Variants in PYGO1 observed in about 807,000 individuals in gnomAD.
The protein encoded by PYGO1 is pygopus family PHD finger 1, also known as pygopus homolog 1.
A neutral mutation model predicts 29.5 loss-of-function variants in PYGO1; 6 were observed. The observed-to-expected ratio is 0.20, with a 90% CI of 0.11 to 0.40. The LOEUF is 0.40. Ranked by LOEUF, PYGO1 falls within the 10% of genes least tolerant of loss-of-function variation. The probability of loss-of-function intolerance (pLI) is 1.00; values close to 1 mark genes in which losing one functional copy is unlikely to be tolerated. For missense variants in PYGO1, 515 were observed against 514.9 expected (o/e 1.00, Z 0.00); for synonymous variants, 186 against 180.5 (o/e 1.03, Z -0.24).
At position 55,546,718 on chromosome 15, in the gene PYGO1, G is replaced by A; in HGVS notation, c.565C>T (p.Pro189Ser). ...NPAENFSQIP[P>S]QNASQVSNPD... Reference sequence around the variant, plus strand: ...TTAGAAACTTGGCTAGCATTCTGTGGAGGAATTTGACTGAAATTTTCAGCA... The same window carrying A: ...TTAGAAACTTGGCTAGCATTCTGTGAAGGAATTTGACTGAAATTTTCAGCA... The change falls in exon 3 of 3, where the codon CCA (proline) becomes TCA (serine). Residue 189 changes from proline to serine, a missense_variant. Physicochemically the swap from Pro to Ser is moderately conservative, Grantham distance 74. Coordinates refer to ENST00000563719, the MANE Select transcript of PYGO1 (RefSeq NM_001367806.1). 1.9e-6 allele frequency: 3 copies of A among 1,614,024 alleles called. No homozygotes were observed. The highest frequency in any genetic ancestry group is 2.5e-6 in the Non-Finnish European group (3 of 1,179,896).
chr15:55,558,098 C>T (rs2058915245), intron 1 of PYGO1, among the ~76,000 whole-genome samples: 1 of 152,078 alleles, frequency 6.6e-6, no homozygotes, highest in South Asian at 2.1e-4. Flanking sequence ...GTTAGAACAC[C>T]CCATTAGCCT....
At chr15:55,558,016 A>G (rs1400217426) in intron 1 of PYGO1, among the ~76,000 whole-genome samples, 1 of 152,192 alleles carries the variant, frequency 6.6e-6, no homozygotes, top group African/African-American at 2.4e-5. Context: ...GGCAGTAGAA[A>G]GAAATAAAGG....
Position 55,587,953 on chromosome 15 carries a change from T to C in PYGO1, c.-70A>G, listed in dbSNP as rs1245201356. ...GTCTCTTTGATGCTGCGGCGGCGGCTCCTCCTCCTCGCGGGGCCGCTGCGG... is the reference window on the plus strand; with the variant it reads ...GTCTCTTTGATGCTGCGGCGGCGGCCCCTCCTCCTCGCGGGGCCGCTGCGG... On this transcript the variant is annotated 5_prime_UTR_variant, in exon 1 of 3. Transcript: ENST00000563719. The C allele has an allele frequency of 4.2e-6, 6 of 1,434,348 alleles. No homozygotes were observed. The highest frequency in any genetic ancestry group is 2.7e-5 in the South Asian group (2 of 73,948). The allele number at this position is 1,434,348 out of a possible 1,614,324, so 88.9% of individuals were successfully genotyped here. A position where few individuals can be genotyped will look rare whatever the true frequency, so the allele number is the denominator to read the frequency against.
chr15:55,576,808 T>C (rs2059004879), intron 1 of PYGO1, among the ~76,000 whole-genome samples: 1 of 142,806 alleles, frequency 7.0e-6, no homozygotes, highest in Non-Finnish European at 1.5e-5. Context: ...TCTTGTTCCA[T>C]CATCTTAACT....
chr15:55,582,622 T>C (rs2059029803), intron 1 of PYGO1, among the ~76,000 whole-genome samples: 1 of 152,228 alleles, frequency 6.6e-6, no homozygotes, highest in Non-Finnish European at 1.5e-5. Flanking sequence ...TTAGTATTTA[T>C]CTGTTTACTG....
At chr15:55,558,186 G>C (rs1466321127) in intron 1 of PYGO1, among the ~76,000 whole-genome samples, 5 of 152,128 alleles carry the variant, frequency 3.3e-5, no homozygotes, top group Non-Finnish European at 5.9e-5. Context: ...AAAATCACAA[G>C]CATTCTTATA....
intron 1 of PYGO1, among the ~76,000 whole-genome samples, chr15:55,560,542 A>G (rs1026568545): frequency 2.0e-5 from 3 of 152,216 alleles, no homozygotes; most frequent in African/African-American, 7.2e-5. Flanking sequence ...ACACAAACAA[A>G]TGGAAAAACA....
intron 1 of PYGO1, among the ~76,000 whole-genome samples, chr15:55,552,361 CAAA>C (rs56789656): frequency 1.1e-4 from 6 of 53,012 alleles, no homozygotes; most frequent in Admixed American, 2.2e-4. Flanking sequence ...ACTCTGTCTC[CAAA>C]AAAAAAAAAA....
rs959142568 is a variant in PYGO1 at position 55,542,638 on chromosome 15, A to T, written c.*3385T>A. 6.6e-6 allele frequency: 1 copy of T among 152,068 alleles called. No homozygotes were observed. 9.4% of individuals were successfully genotyped at this position (152,068 alleles called of 1,614,324 possible). On this transcript the variant is annotated 3_prime_UTR_variant, in exon 3 of 3. Transcript: ENST00000563719. ...GAGAAAGGAACTGATGCTTTTTAAA[A>T]TTTTCTGTCTGGCCAGGCGTGGTGG...
In PYGO1 at chr15:55,546,518, A is replaced by G; in HGVS notation, c.765T>C (p.Ala255=). ...ATKNTNQNSS[A]HPPHLNMDDT... ...CATCCATATTCAAGTGAGGTGGATG[A>G]GCAGAGGAATTTTGATTAGTGTTTT... Residue 255 remains alanine, a synonymous_variant, in exon 3 of 3, where the codon GCT becomes GCC. Coordinates refer to ENST00000563719, the MANE Select transcript of PYGO1 (RefSeq NM_001367806.1). The G allele has an allele frequency of 1.2e-6, 2 of 1,614,062 alleles. No individual in the cohort carries two copies. Among genetic ancestry groups the G allele is most frequent in the East Asian group, 4.5e-5 (2 of 44,876 alleles).
intron 1 of PYGO1, among the ~76,000 whole-genome samples, chr15:55,571,551 T>C (rs924692209): frequency 2.1e-4 from 32 of 152,176 alleles, no homozygotes; most frequent in African/African-American, 7.7e-4. Context: ...TCACGAGATC[T>C]GACGGTTTTA....
chr15:55,563,016 G>A (rs939706530), intron 1 of PYGO1, among the ~76,000 whole-genome samples: 2 of 151,992 alleles, frequency 1.3e-5, no homozygotes, highest in Admixed American at 6.6e-5. Context: ...GGAGAGCATC[G>A]TGACCTTGAT....
At chr15:55,559,545 G>C (rs1440202109) in intron 1 of PYGO1, among the ~76,000 whole-genome samples, 1 of 152,150 alleles carries the variant, frequency 6.6e-6, no homozygotes, top group Non-Finnish European at 1.5e-5. Flanking sequence ...GTTTACTGCA[G>C]CACTATTCAC....
chr15:55,555,284 A>C (rs2058899093), intron 1 of PYGO1, among the ~76,000 whole-genome samples: 1 of 152,064 alleles, frequency 6.6e-6, no homozygotes, highest in Non-Finnish European at 1.5e-5. Context: ...AGGAGGAATA[A>C]GATCGTTTTC....
At chr15:55,580,829 A>C (rs1275322859) in intron 1 of PYGO1, among the ~76,000 whole-genome samples, 1 of 152,216 alleles carries the variant, frequency 6.6e-6, no homozygotes, top group Non-Finnish European at 1.5e-5. Flanking sequence ...CGGGTTGCCT[A>C]AAACAAGAAT....
At position 55,539,548 on chromosome 15, in the gene PYGO1, T is replaced by C. The variant is rs948367828; in HGVS notation, c.*6475A>G. The C allele has an allele frequency of 1.3e-5, 2 of 151,998 alleles. No individual in the cohort carries two copies. Among genetic ancestry groups the C allele is most frequent in the Non-Finnish European group, 2.9e-5 (2 of 67,912 alleles). The allele number at this position is 151,998 out of a possible 1,614,324, so 9.4% of individuals were successfully genotyped here. ...CTTCTTTAGACGTCTATGATCTAAA[T>C]AGAAACAGACTCAGTTCTAAAAGAA... is the stretch of plus-strand genomic sequence containing the variant. On this transcript the variant is annotated 3_prime_UTR_variant, in exon 3 of 3. Coordinates refer to ENST00000563719, the MANE Select transcript of PYGO1 (RefSeq NM_001367806.1).
At chr15:55,558,494 ATACTT>A (rs2058917440) in intron 1 of PYGO1, among the ~76,000 whole-genome samples, 1 of 152,130 alleles carries the variant, frequency 6.6e-6, no homozygotes, top group Non-Finnish European at 1.5e-5. Flanking sequence ...TGGAAAAAAA[ATACTT>A]TAAAGTTCAT....
chr15:55,552,107 C>T (rs1424783020), intron 1 of PYGO1, among the ~76,000 whole-genome samples: 1 of 151,980 alleles, frequency 6.6e-6, no homozygotes, highest in Admixed American at 6.6e-5. Flanking sequence ...GTAATCCCAA[C>T]ACTTTGGGAG....
intron 1 of PYGO1, among the ~76,000 whole-genome samples, chr15:55,577,577 T>A (rs372907177): frequency 6.7e-6 from 1 of 148,754 alleles, no homozygotes; most frequent in East Asian, 2.0e-4. Context: ...AGCAATGAAA[T>A]CTAAAACTAG....
Sources: allele counts gnomAD v4.1 joint callset (sites outside exome capture counted in the v4.1 genomes callset), GRCh38; gene constraint gnomAD v4.1.1; transcripts MANE v1.5; gene names NCBI Gene and HGNC (gene_info 2026-07-23, HGNC 2026-07-21).